The following ITGA2B variants were observed in gnomAD, a reference collection of about 807,000 sequenced individuals.
ITGA2B encodes integrin alpha-IIb.
Under a neutral mutation model 142.0 loss-of-function variants are expected in ITGA2B, and 91 were observed. The ratio of observed to expected loss-of-function variants is 0.64; its 90% confidence interval spans 0.54 to 0.76. ITGA2B has a LOEUF of 0.76. ITGA2B is among the 30% of genes least tolerant of loss of function. ITGA2B has a pLI of 0.00. For missense variants in ITGA2B, 1,231 were observed against 1,350.8 expected, an observed-to-expected ratio of 0.91 and a Z score of 1.39; for synonymous variants, 536 against 567.2, an observed-to-expected ratio of 0.94 and a Z score of 0.78.
chr17:44,375,246 T>C (rs868549069), intron 26 of ITGA2B, 135 bp from the exon 27 acceptor site: 10 of 758,692 alleles, frequency 1.3e-5, no homozygotes, highest in Middle Eastern at 3.4e-4. Flanking sequence ...AGGAAGGGCC[T>C]TGGATCCAAG....
rs2048520483 is a variant in ITGA2B, at chr17:44,374,372, C to T, written c.3042G>A (p.Leu1014=). ...VLGGLLLLTI[L]VLAMWKVGFF... The stretch of plus-strand genomic sequence containing the variant: ...ACCTCACCTTCCACATGGCCAGGAC[C>T]AGGATGGTGAGCAGCAGCAGGCCAC... The change falls in exon 29 of 30, where the codon CTG becomes CTA. Residue 1014 remains leucine (L), a synonymous_variant. Transcript: ENST00000262407. The T allele has an allele frequency of 6.2e-7, 1 of 1,613,986 alleles. No homozygotes were observed. The highest frequency in any genetic ancestry group is 8.5e-7 in the Non-Finnish European group (1 of 1,179,992).
chr17:44,372,754 G>A lies in ITGA2B; in HGVS notation c.3061-331C>T, dbSNP rs553279393. 2.5e-4 allele frequency among the ~76,000 whole-genome samples: 38 copies of A among 151,670 alleles called. 3 individuals are homozygous for A. In the South Asian group the frequency reaches 7.1e-3, roughly 28 times the overall value. On this transcript the variant is annotated intron_variant, in intron 29 of 29. Transcript: ENST00000262407. ...AACAATTCTCATGCCTCAGCCTCCC[G>A]AGTAGCTGGGTTTACAGGTGTGTGC...
Position 44,376,111 on chromosome 17 carries a change from C to T in ITGA2B, c.2422G>A (p.Gly808Arg), listed in dbSNP as rs1272034998. 1.9e-6 allele frequency: 3 copies of T among 1,614,154 alleles called. No individual in the cohort carries two copies. The South Asian group carries it at 3.3e-5, about 18-fold the overall frequency. ...EREQNSLDSW[G>R]PKVEHTYELH... ...TCATAGGTGTGCTCCACTTTGGGTC[C>T]CCAGCTGTCCAAGCTGTTCTGCTCC... Residue 808 changes from glycine to arginine, a missense_variant, in exon 24 of 30, where the codon GGA becomes AGA. By Grantham distance (125) the Gly-to-Arg change is moderately radical. This residue lies in a region of ITGA2B where 908 missense variants were observed against 1,021.1 expected (regional missense o/e 0.89). Transcript: ENST00000262407.
Position 44,378,355 on chromosome 17 carries a change from G to A in ITGA2B, c.2094+7C>T, listed in dbSNP as rs537219908. ...CCCGGGTACTGTTCCCAGGGTGGGG[G>A]CCATACCTCGACATTGCTTAGGGCC... On this transcript the variant is annotated splice_region_variant and intron_variant, in intron 20 of 29. Transcript: ENST00000262407. 141 of 1,608,864 alleles carry A rather than the reference G, an allele frequency of 8.8e-5. No individual in the cohort carries two copies. The South Asian group carries it at 1.0e-3, about 11-fold the overall frequency.
Position 44,376,992 on chromosome 17 carries a change from G to T in ITGA2B, c.2267+17C>A. Reference sequence around the variant, plus strand: ...CGGGGGAAGGGTGGTGGGTAGGCACGCTCGCCAGGTCAGTACCTCCGTATC... The same window carrying T: ...CGGGGGAAGGGTGGTGGGTAGGCACTCTCGCCAGGTCAGTACCTCCGTATC... On this transcript the variant is annotated intron_variant, in intron 22 of 29. Coordinates refer to ENST00000262407, the MANE Select transcript of ITGA2B (RefSeq NM_000419.5). 1 of 1,569,628 alleles carries T rather than the reference G, an allele frequency of 6.4e-7. No homozygotes were observed. Among genetic ancestry groups the T allele is most frequent in the African/African-American group, 1.3e-5 (1 of 74,320 alleles).
In ITGA2B at chr17:44,385,024, G is replaced by T. The variant is rs1325850909; in HGVS notation, c.723C>A (p.Gly241=). 6.2e-7 allele frequency: 1 copy of T among 1,614,160 alleles called. No homozygotes were observed. The highest frequency in any genetic ancestry group is 8.5e-7 in the Non-Finnish European group (1 of 1,180,026). The change falls in exon 7 of 30, where the codon GGC becomes GGA. Residue 241 remains glycine (G), a synonymous_variant. Coordinates refer to ENST00000262407, the MANE Select transcript of ITGA2B (RefSeq NM_000419.5). ...GGGAGGACACGTGCCACAAAAGGAT[G>T]CCTGGGCGGTAACTCGAGAAAATAT... ...VADIFSSYRP[G]ILLWHVSSQS...
chr17:44,378,420 T>C lies in ITGA2B; in HGVS notation c.2036A>G (p.Glu679Gly). 6.2e-7 allele frequency: 1 copy of C among 1,613,624 alleles called. No homozygotes were observed. The highest frequency in any genetic ancestry group is 8.5e-7 in the Non-Finnish European group (1 of 1,179,966). Residue 679 changes from glutamate to glycine, a missense_variant, in exon 20 of 30, where the codon GAG becomes GGG. By Grantham distance (98) the Glu-to-Gly change is moderately conservative (BLOSUM62 -2). This residue lies in a region of ITGA2B where 908 missense variants were observed against 1,021.1 expected (regional missense o/e 0.89). Transcript: ENST00000262407. ...GCCCTGGGGCAGGTGCACGGCCAGC[T>C]CTGCTTCATAGGCCCCCTCGCCCTC... ...ANEGEGAYEAELAVHLPQGAH... is the reference protein window; with the variant it reads ...ANEGEGAYEAGLAVHLPQGAH...
chr17:44,384,132 T>C lies in ITGA2B; in HGVS notation c.898A>G (p.Ile300Val). Reference protein sequence around the residue: ...TWSWTLGAVEILDSYYQRLHR... With the variant: ...TWSWTLGAVEVLDSYYQRLHR... ...AGCCTCTGGTAGTAGGAATCCAAAA[T>C]TTCCACCTGCACGGACAGCGCAGGC... is the stretch of plus-strand genomic sequence containing the variant. Residue 300 changes from isoleucine (I) to valine (V), a missense_variant, in exon 10 of 30, where the codon ATT (isoleucine) becomes GTT (valine). Ile to Val is a conservative substitution (Grantham distance 29, BLOSUM62 3). Around this residue, in one of 3 missense-constraint regions of ITGA2B, gnomAD observed 908 missense variants for 1,021.1 expected, o/e 0.89. Coordinates refer to ENST00000262407, the MANE Select transcript of ITGA2B (RefSeq NM_000419.5). 1 of 1,613,528 alleles carries C rather than the reference T, an allele frequency of 6.2e-7. No individual in the cohort carries two copies. The highest frequency in any genetic ancestry group is 1.1e-5 in the South Asian group (1 of 91,060).
chr17:44,376,297 T>TG lies in ITGA2B; in HGVS notation c.2348+10dup, dbSNP rs756806627. On this transcript the variant is annotated intron_variant, in intron 23 of 29. Coordinates refer to ENST00000262407, the MANE Select transcript of ITGA2B (RefSeq NM_000419.5). ...GAATGCCATCTCCCTTCTCCACCCC[T>TG]GGCCTCTCACCCTCGCAGCTCCACT... 1.2e-6 allele frequency: 2 copies of TG among 1,614,138 alleles called. No individual in the cohort carries two copies. The highest frequency in any genetic ancestry group is 1.7e-5 in the Admixed American group (1 of 60,024).
intron 11 of ITGA2B, 69 bp from the exon 12 acceptor site, chr17:44,383,773 C>G: frequency 6.5e-7 from 1 of 1,549,132 alleles, no homozygotes; most frequent in Non-Finnish European, 8.7e-7. Context: ...CAAATCTCCT[C>G]GACCCTTGCT....
intron 12 of ITGA2B, among the ~76,000 whole-genome samples, chr17:44,382,300 GTTTT>G (rs113598722): frequency 6.9e-6 from 1 of 145,694 alleles, no homozygotes; most frequent in South Asian, 2.2e-4. Flanking sequence ...AGTCAAACAT[GTTTT>G]TTTTTTTCCT....
At chr17:44,374,158 G>A (rs2048518862) in intron 29 of ITGA2B, 196 bp downstream of exon 29, 5 of 631,188 alleles carry the variant, frequency 7.9e-6, no homozygotes, top group South Asian at 6.9e-5. Flanking sequence ...TAAACGCTTT[G>A]GCCTCCCAAA....
intron 4 of ITGA2B, 26 bp downstream of exon 4, chr17:44,385,525 G>A (rs2048639132): frequency 1.3e-6 from 2 of 1,540,628 alleles, no homozygotes; most frequent in South Asian, 1.2e-5. Context: ...GCGAGTGGGC[G>A]GGGCCAGGTC....
Position 44,380,058 on chromosome 17 carries a change from G to A in ITGA2B, c.1696C>T (p.Leu566=). ...GSQQAGTTLN[L]DLGGKHSPIC... is the part of the protein sequence containing the mutation. ...GGGCTGTGCTTTCCGCCCAGATCCA[G>A]GTTCAGGGTGGTGCCTGCCTGTTGA... is the stretch of plus-strand genomic sequence containing the variant. The change falls in exon 17 of 30, where the codon CTG becomes TTG. Residue 566 remains leucine (L), a synonymous_variant. Coordinates refer to ENST00000262407, the MANE Select transcript of ITGA2B (RefSeq NM_000419.5). 6.2e-7 allele frequency: 1 copy of A among 1,614,040 alleles called. No homozygotes were observed. The highest frequency in any genetic ancestry group is 8.5e-7 in the Non-Finnish European group (1 of 1,180,038).
At chr17:44,383,018 C>T (rs2048610243) in intron 12 of ITGA2B, among the ~76,000 whole-genome samples, 1 of 152,114 alleles carries the variant, frequency 6.6e-6, no homozygotes, top group Non-Finnish European at 1.5e-5. Flanking sequence ...GAGAGCCACT[C>T]CCAACTGTTC....
Position 44,385,070 on chromosome 17 carries a change from A to G in ITGA2B, c.677T>C (p.Leu226Pro). The G allele has an allele frequency of 6.2e-7, 1 of 1,614,148 alleles. No homozygotes were observed. Among genetic ancestry groups the G allele is most frequent in the East Asian group, 2.2e-5 (1 of 44,870 alleles). ...AATATCCGCAACTGGAGCCTGGGCC[A>G]GGAGACCTAGGGCGGGAGGGACAGC... ...APGGYYFLGL[L>P]AQAPVADIFS... The change falls in exon 7 of 30, where the codon CTG becomes CCG. Residue 226 changes from leucine to proline, a missense_variant. Physicochemically the swap from Leu to Pro is moderately conservative, Grantham distance 98. Around this residue, in one of 3 missense-constraint regions of ITGA2B, gnomAD observed 318 missense variants for 312.2 expected, o/e 1.02. Transcript: ENST00000262407.
At chr17:44,379,158 G>T (rs2048571481) in intron 18 of ITGA2B, among the ~76,000 whole-genome samples, 1 of 148,622 alleles carries the variant, frequency 6.7e-6, no homozygotes, top group African/African-American at 2.5e-5. Context: ...GTTTCACTGT[G>T]TTAGCCAGGA....
intron 26 of ITGA2B, 37 bp downstream of exon 26, chr17:44,375,554 C>G (rs757455723): frequency 1.9e-6 from 3 of 1,610,012 alleles, no homozygotes; most frequent in African/African-American, 2.7e-5. Context: ...CCGTGGGTCC[C>G]GGGGAGGCCG....
chr17:44,385,851 C>T lies in ITGA2B; in HGVS notation c.381G>A (p.Ser127=). Reference sequence around the variant, plus strand: ...CAATGACGTCGCTCCAGCTGACGACCGACGCCCCCAGTCCTTGGCGGGCCT... The same window carrying T: ...CAATGACGTCGCTCCAGCTGACGACTGACGCCCCCAGTCCTTGGCGGGCCT... ...TFKARQGLGA[S]VVSWSDVIVA... Residue 127 remains serine, a synonymous_variant, in exon 3 of 30, where the codon TCG becomes TCA. Transcript: ENST00000262407. 1 of 1,604,678 alleles carries T rather than the reference C, an allele frequency of 6.2e-7. No individual in the cohort carries two copies. The highest frequency in any genetic ancestry group is 1.1e-5 in the South Asian group (1 of 90,104).
Sources: gnomAD v4.1 joint callset for allele counts (sites outside exome capture counted in the v4.1 genomes callset) on GRCh38, gnomAD v4.1.1 for gene constraint, gnomAD v4.1.1 regional missense constraint, MANE v1.5 for transcripts, NCBI Gene and HGNC (gene_info 2026-07-23, HGNC 2026-07-21) for gene names.